Variants in MAF observed in about 807,000 individuals in gnomAD.
The protein encoded by MAF is MAF bZIP transcription factor.
In MAF, 10 loss-of-function variants were observed where a neutral mutation model predicts 22.0. The ratio of observed to expected loss-of-function variants is 0.45; its 90% CI spans 0.28 to 0.77. The LOEUF is 0.77. MAF is among the 30% of genes least tolerant of loss of function. The pLI is 0.12. For missense variants in MAF, 544 were observed against 548.4 expected, an observed-to-expected ratio of 0.99 and a Z score of 0.08; for synonymous variants, 337 against 255.8, an observed-to-expected ratio of 1.32 and a Z score of -3.03.
the MAF span, chr16:79,516,096 C>G: frequency 6.6e-6 from 1 of 151,634 alleles, no homozygotes; most frequent in East Asian, 1.9e-4. Context: ...CTATTCGATT[C>G]TGGGGCCGAA....
the MAF span, among the ~76,000 whole-genome samples, chr16:79,349,014 C>G: frequency 0.15 from 23,018 of 152,116 alleles, 3,900 homozygotes; most frequent in African/African-American, 0.42. Context: ...CATTGCTCTT[C>G]CCCCAGATGT....
the MAF span, among the ~76,000 whole-genome samples, chr16:79,348,964 T>C: frequency 1.3e-4 from 20 of 152,298 alleles, 1 homozygote; most frequent in Middle Eastern, 3.4e-3. Flanking sequence ...CCCTCTTGTG[T>C]GCCCACCATC....
At chr16:79,326,437 A>T in the MAF span, among the ~76,000 whole-genome samples, 1 of 152,230 alleles carries the variant, frequency 6.6e-6, no homozygotes, top group African/African-American at 2.4e-5. Context: ...AATCTGCAAT[A>T]TATCTAATTT....
At chr16:79,205,865 C>T in the MAF span, 1 of 152,192 alleles carries the variant, frequency 6.6e-6, no homozygotes, top group Non-Finnish European at 1.5e-5. Context: ...ACTCCAGAGC[C>T]CGCACCTACA....
the MAF span, among the ~76,000 whole-genome samples, chr16:79,391,848 A>AAG: frequency 6.8e-6 from 1 of 147,558 alleles, no homozygotes; most frequent in African/African-American, 2.6e-5. Flanking sequence ...AAGTGGGGGA[A>AAG]AGAGAGAGAA....
chr16:79,241,143 G>T, the MAF span, among the ~76,000 whole-genome samples: 1 of 152,044 alleles, frequency 6.6e-6, no homozygotes, highest in Non-Finnish European at 1.5e-5. Context: ...TCCTCCAAAG[G>T]ATCACAACTC....
chr16:79,446,811 G>C, the MAF span, among the ~76,000 whole-genome samples: 4 of 152,068 alleles, frequency 2.6e-5, no homozygotes, highest in Non-Finnish European at 5.9e-5. Flanking sequence ...CAGGTTGCGA[G>C]TCAGGAGGAT....
the MAF span, among the ~76,000 whole-genome samples, chr16:79,554,121 A>AC: frequency 9.8e-5 from 9 of 92,076 alleles, no homozygotes; most frequent in South Asian, 3.8e-4. Flanking sequence ...AAACAAACAA[A>AC]CAAACAAAAC....
chr16:79,468,172 A>T, the MAF span, among the ~76,000 whole-genome samples: 1 of 152,162 alleles, frequency 6.6e-6, no homozygotes, highest in Non-Finnish European at 1.5e-5. Flanking sequence ...CCCGGGCTGC[A>T]GAGGGCCCTG....
At chr16:79,211,936 GA>G in the MAF span, 2 of 1,538,146 alleles carry the variant, frequency 1.3e-6, no homozygotes, top group Non-Finnish European at 1.7e-6. Context: ...ACAACAGAGT[GA>G]AAAATCTTAA....
the MAF span, among the ~76,000 whole-genome samples, chr16:79,546,166 T>C: frequency 6.6e-6 from 1 of 152,202 alleles, no homozygotes; most frequent in Non-Finnish European, 1.5e-5. Flanking sequence ...AACTTGATTT[T>C]ATTGGATAAA....
chr16:79,487,648 C>T, the MAF span, among the ~76,000 whole-genome samples: 1 of 152,092 alleles, frequency 6.6e-6, no homozygotes, highest in Admixed American at 6.5e-5. Flanking sequence ...GGAAAAAATC[C>T]TATTTTATTA....
chr16:79,583,909 T>A (rs545718273), downstream of MAF, among the ~76,000 whole-genome samples: 99 of 152,310 alleles, frequency 6.5e-4, no homozygotes, highest in African/African-American at 2.4e-3. Flanking sequence ...GAAGCCCTAT[T>A]TTAAGAAGGC....
chr16:79,235,372 T>C, the MAF span, among the ~76,000 whole-genome samples: 1 of 151,640 alleles, frequency 6.6e-6, no homozygotes, highest in East Asian at 1.9e-4. Flanking sequence ...GGGGAACATA[T>C]CAAGATACCA....
the MAF span, among the ~76,000 whole-genome samples, chr16:79,309,853 C>T: frequency 2.0e-5 from 3 of 152,192 alleles, no homozygotes; most frequent in Admixed American, 6.5e-5. Flanking sequence ...AGCCCCACAA[C>T]TCGGCTCCCA....
At chr16:79,241,753 A>C in the MAF span, among the ~76,000 whole-genome samples, 1 of 152,168 alleles carries the variant, frequency 6.6e-6, no homozygotes, top group Admixed American at 6.6e-5. Flanking sequence ...AGATTCACCA[A>C]GGTTGAAATA....
At chr16:79,528,679 A>G in the MAF span, among the ~76,000 whole-genome samples, 2 of 151,956 alleles carry the variant, frequency 1.3e-5, no homozygotes, top group African/African-American at 4.8e-5. Context: ...AAAGAAAGGC[A>G]AGAGAGAAGC....
intron 1 of MAF, among the ~76,000 whole-genome samples, chr16:79,587,209 T>C (rs759956279): frequency 3.9e-5 from 6 of 152,246 alleles, no homozygotes; most frequent in Non-Finnish European, 8.8e-5. Context: ...ACATTTTGTA[T>C]AGAAATGCTT....
At chr16:79,598,632 T>A in intron 1 of MAF, 153 bp downstream of exon 1, 1 of 1,497,524 alleles carries the variant, frequency 6.7e-7, no homozygotes, top group Non-Finnish European at 8.8e-7. Flanking sequence ...CGGGTTTGTG[T>A]GTGTGTAGGG....
Sources: allele counts gnomAD v4.1 joint callset (sites outside exome capture counted in the v4.1 genomes callset), GRCh38; gene constraint gnomAD v4.1.1; transcripts MANE v1.5; gene names NCBI Gene and HGNC (gene_info 2026-07-23, HGNC 2026-07-21).